PRR5L: variants seen among roughly 807,000 people sequenced by gnomAD.
PRR5L encodes proline-rich protein 5-like.
PRR5L carries 21 observed loss-of-function variants against 36.4 expected under a neutral mutation model. That is an observed-to-expected ratio of 0.58 (90% confidence interval 0.41 to 0.83). PRR5L has a LOEUF of 0.83. Among genes scored for constraint, PRR5L ranks in the 40% least tolerant of loss-of-function variants. PRR5L has a pLI of 0.00. For missense variants in PRR5L, 381 were observed against 473.3 expected (o/e 0.80, Z 1.81); for synonymous variants, 188 against 197.0 (o/e 0.95, Z 0.38).
intron 1 of PRR5L, among the ~76,000 whole-genome samples, chr11:36,387,210 T>A (rs1857474035): frequency 6.6e-6 from 1 of 150,606 alleles, no homozygotes; most frequent in Non-Finnish European, 1.5e-5. Context: ...TAGGTGGGAA[T>A]TGAACAATGA....
At chr11:36,413,990 A>G (rs913708623) in intron 3 of PRR5L, among the ~76,000 whole-genome samples, 2 of 149,264 alleles carry the variant, frequency 1.3e-5, no homozygotes, top group Middle Eastern at 3.2e-3. Context: ...GTGATAGTTT[A>G]CTGAGAATGA....
rs370665339 is a variant in PRR5L at position 36,422,366 on chromosome 11, A to G, written c.294+3063A>G. On this transcript the variant is annotated intron_variant, in intron 4 of 8. Coordinates refer to ENST00000530639, the MANE Select transcript of PRR5L (RefSeq NM_001160167.2). ...AGGGGCAGAAGGAAGGCCTGGAGAC[A>G]GATGAGGAATGGAACCCAGGGGTGG... Among the ~76,000 whole-genome samples, 3 of 152,340 alleles carry G rather than the reference A, an allele frequency of 2.0e-5. No individual in the cohort carries two copies. In the East Asian group the frequency reaches 5.8e-4, roughly 29 times the overall value.
chr11:36,402,266 G>A (rs2133559204), intron 2 of PRR5L, among the ~76,000 whole-genome samples: 2 of 152,142 alleles, frequency 1.3e-5, no homozygotes, highest in Middle Eastern at 6.8e-3. Flanking sequence ...CTTTTCTTGA[G>A]ACAATCTTGC....
At chr11:36,317,846 G>A (rs1397781160) in intron 1 of PRR5L, among the ~76,000 whole-genome samples, 2 of 152,084 alleles carry the variant, frequency 1.3e-5, no homozygotes, top group Admixed American at 6.5e-5. Flanking sequence ...TGTGAAATAC[G>A]TGTTCAAGTG....
intron 4 of PRR5L, among the ~76,000 whole-genome samples, 191 bp from the exon 5 acceptor site, chr11:36,431,662 A>G (rs1381379949): frequency 6.6e-6 from 1 of 152,052 alleles, no homozygotes; most frequent in African/African-American, 2.4e-5. Flanking sequence ...TTCTTTTGCT[A>G]TGGGAAGTCT....
At chr11:36,439,582 G>A (rs567371299) in intron 6 of PRR5L, among the ~76,000 whole-genome samples, 4 of 152,180 alleles carry the variant, frequency 2.6e-5, no homozygotes, top group East Asian at 3.9e-4. Flanking sequence ...TGCTAACCCT[G>A]CTTTATTCAA....
chr11:36,420,203 G>A (rs7117655), intron 4 of PRR5L, among the ~76,000 whole-genome samples: 59,524 of 152,164 alleles, frequency 0.39, 11,877 homozygotes, highest in East Asian at 0.64. Context: ...TGGGCAAGCT[G>A]TTTCACCTCC....
chr11:36,370,896 C>CAA (rs1433887185), intron 1 of PRR5L, among the ~76,000 whole-genome samples: 1 of 88,592 alleles, frequency 1.1e-5, no homozygotes, highest in Non-Finnish European at 2.6e-5. Context: ...AAAAAACAAA[C>CAA]AAAAGAAAGC....
At chr11:36,415,478 T>C (rs987585767) in intron 3 of PRR5L, among the ~76,000 whole-genome samples, 3 of 152,252 alleles carry the variant, frequency 2.0e-5, no homozygotes, top group Non-Finnish European at 2.9e-5. Flanking sequence ...GCACAGTGGC[T>C]CATGCCTGTA....
chr11:36,425,441 G>A (rs1012526317), intron 4 of PRR5L: 2 of 152,222 alleles, frequency 1.3e-5, no homozygotes, highest in Admixed American at 6.5e-5. Flanking sequence ...AAAAACCCAG[G>A]CAGGAGGAGT....
intron 7 of PRR5L, among the ~76,000 whole-genome samples, chr11:36,448,266 T>C (rs1313865962): frequency 6.6e-6 from 1 of 152,106 alleles, no homozygotes; most frequent in Non-Finnish European, 1.5e-5. Flanking sequence ...CCTCATGCGC[T>C]CTGGTCCCCA....
At chr11:36,359,498 T>C (rs1233464435) in intron 1 of PRR5L, among the ~76,000 whole-genome samples, 1 of 152,264 alleles carries the variant, frequency 6.6e-6, no homozygotes, top group African/African-American at 2.4e-5. Flanking sequence ...TATTCTGGTG[T>C]TTTGTTCTTT....
In PRR5L at chr11:36,462,621, C is replaced by A; in HGVS notation, c.992C>A (p.Pro331Gln). 1.2e-6 allele frequency: 2 copies of A among 1,612,464 alleles called. No homozygotes were observed. ...KCLLLPPSFP[P>Q]PHRQCSSEPN... ...CTGCTCCTGCCACCCAGCTTCCCCC[C>A]GCCCCACCGGCAGTGCTCCAGTGAG... Residue 331 changes from proline (P) to glutamine (Q), a missense_variant, in exon 9 of 9, where the codon CCG (proline) becomes CAG (glutamine). Pro to Gln is a moderately conservative substitution (Grantham distance 76). Transcript: ENST00000530639.
intron 1 of PRR5L, among the ~76,000 whole-genome samples, chr11:36,327,668 G>C (rs1440267090): frequency 6.6e-6 from 1 of 152,058 alleles, no homozygotes; most frequent in Admixed American, 6.5e-5. Context: ...TTTCCTCTAA[G>C]CATAGTCACC....
chr11:36,380,213 G>A (rs1590507275), intron 1 of PRR5L, among the ~76,000 whole-genome samples: 1 of 152,312 alleles, frequency 6.6e-6, no homozygotes, highest in East Asian at 1.9e-4. Context: ...AATTCTGACA[G>A]TAGTGATGCC....
intron 1 of PRR5L, among the ~76,000 whole-genome samples, chr11:36,347,107 A>C (rs187801175): frequency 6.6e-6 from 1 of 152,362 alleles, no homozygotes; most frequent in African/African-American, 2.4e-5. Context: ...AATAGGCTCC[A>C]AACTATTAAT....
chr11:36,380,575 G>C (rs562786259), intron 1 of PRR5L: 1 of 152,098 alleles, frequency 6.6e-6, no homozygotes, highest in South Asian at 2.1e-4. Flanking sequence ...GAGAAAGAGA[G>C]AAAAAAAGCA....
intron 1 of PRR5L, among the ~76,000 whole-genome samples, chr11:36,303,402 T>TA (rs1016835752): frequency 5.9e-5 from 9 of 152,158 alleles, no homozygotes; most frequent in African/African-American, 1.9e-4. Context: ...ACCTTGCTCA[T>TA]AAAAAAATCG....
At position 36,385,072 on chromosome 11, in the gene PRR5L, T is replaced by C. The variant is rs529147113; in HGVS notation, c.-125-15925T>C. ...GTTGCACATTTTAATCTAGAGCACA[T>C]TTTCCCACACTTAAAACTCTTGTTG... On this transcript the variant is annotated intron_variant, in intron 1 of 8. Coordinates refer to ENST00000530639, the MANE Select transcript of PRR5L (RefSeq NM_001160167.2). Among the ~76,000 whole-genome samples the C allele has an allele frequency of 1.1e-3, 161 of 152,332 alleles. 1 individual carries two copies. Among genetic ancestry groups the C allele is most frequent in the African/African-American group, 3.8e-3 (157 of 41,572 alleles).
Sources: allele counts gnomAD v4.1 joint callset (sites outside exome capture counted in the v4.1 genomes callset), GRCh38; gene constraint gnomAD v4.1.1; transcripts MANE v1.5; gene names NCBI Gene and HGNC (gene_info 2026-07-23, HGNC 2026-07-21).